AOAH: variants seen among roughly 807,000 people sequenced by gnomAD.
AOAH encodes the protein acyloxyacyl hydrolase (neutrophil).
Under a neutral mutation model 92.2 loss-of-function variants are expected in AOAH, and 64 were observed. The observed-to-expected ratio is 0.69, with a 90% CI of 0.57 to 0.86. The LOEUF is 0.86. AOAH is among the 40% of genes least tolerant of loss of function. AOAH has a pLI of 0.00. For missense variants in AOAH, 656 were observed against 694.6 expected, an observed-to-expected ratio of 0.94 and a Z score of 0.62; for synonymous variants, 263 against 254.5, an observed-to-expected ratio of 1.03 and a Z score of -0.32.
intron 13 of AOAH, 66 bp downstream of exon 13, chr7:36,576,508 G>T: frequency 1.1e-6 from 1 of 893,890 alleles, no homozygotes; most frequent in South Asian, 1.8e-5. Flanking sequence ...AGCTTTTGAG[G>T]TACTTATGAA....
intron 2 of AOAH, among the ~76,000 whole-genome samples, chr7:36,682,092 G>T (rs946326293): frequency 6.6e-6 from 1 of 152,216 alleles, no homozygotes; most frequent in African/African-American, 2.4e-5. Context: ...ACGGGGAGGG[G>T]TTTTGCCCAA....
At chr7:36,652,321 C>T (rs1056463948) in intron 4 of AOAH, among the ~76,000 whole-genome samples, 1 of 152,088 alleles carries the variant, frequency 6.6e-6, no homozygotes, top group Non-Finnish European at 1.5e-5. Context: ...AATTATAACT[C>T]AAAGTATAAA....
intron 1 of AOAH, among the ~76,000 whole-genome samples, chr7:36,700,831 T>A (rs1017418701): frequency 1.3e-5 from 2 of 152,008 alleles, no homozygotes; most frequent in African/African-American, 4.8e-5. Context: ...TTTTTCTACA[T>A]CCTTTCAACA....
At chr7:36,590,454 A>G (rs1357409351) in intron 12 of AOAH, among the ~76,000 whole-genome samples, 1 of 152,224 alleles carries the variant, frequency 6.6e-6, no homozygotes, top group East Asian at 1.9e-4. Context: ...AACTCAACTA[A>G]AAGAACTAAA....
intron 20 of AOAH, chr7:36,514,620 G>A: frequency 6.7e-7 from 1 of 1,483,038 alleles, no homozygotes; most frequent in Non-Finnish European, 9.1e-7. Context: ...TTAGCAAATG[G>A]GACCTGGCCA....
intron 6 of AOAH, among the ~76,000 whole-genome samples, chr7:36,627,621 C>T (rs80089962): frequency 0.02 from 2,982 of 152,108 alleles, 94 homozygotes; most frequent in African/African-American, 0.068. Flanking sequence ...GATGGCTCCT[C>T]GGGAGGGGCA....
At chr7:36,515,527 C>CACCACACACACCACA (rs1491549348) in intron 20 of AOAH, among the ~76,000 whole-genome samples, 3 of 10,660 alleles carry the variant, frequency 2.8e-4, no homozygotes, top group African/African-American at 4.8e-4. Flanking sequence ...ACCACACACA[C>CACCACACACACCACA]CACACCCTTC....
intron 11 of AOAH, among the ~76,000 whole-genome samples, chr7:36,602,781 A>G (rs927120457): frequency 6.6e-6 from 1 of 152,170 alleles, no homozygotes; most frequent in African/African-American, 2.4e-5. Flanking sequence ...TGATACCAGA[A>G]GAAGTCCAAG....
At chr7:36,546,384 T>C (rs1373957457) in intron 15 of AOAH, among the ~76,000 whole-genome samples, 3 of 152,222 alleles carry the variant, frequency 2.0e-5, no homozygotes. Flanking sequence ...GATGGGGAGA[T>C]ATAGTTGCCA....
At chr7:36,677,424 A>T (rs117116413) in intron 2 of AOAH, among the ~76,000 whole-genome samples, 51 of 152,344 alleles carry the variant, frequency 3.3e-4, no homozygotes, top group Admixed American at 1.3e-3. Flanking sequence ...CTATAATAAA[A>T]GAGAGAATAA....
At chr7:36,666,605 T>G (rs1795551477) in intron 3 of AOAH, among the ~76,000 whole-genome samples, 1 of 152,046 alleles carries the variant, frequency 6.6e-6, no homozygotes, top group Admixed American at 6.5e-5. Context: ...TATCTTGTGT[T>G]TACTTTGGAT....
rs1050085641 is a variant in AOAH at position 36,614,833 on chromosome 7, T to C, written c.846+1547A>G. Among the ~76,000 whole-genome samples, 5 of 152,170 alleles carry C rather than the reference T, an allele frequency of 3.3e-5. No homozygotes were observed. Among genetic ancestry groups the C allele is most frequent in the Non-Finnish European group, 7.3e-5 (5 of 68,028 alleles). ...AATTAGCATGTTCCAGCACAGAGGT[T>C]TGAAGACTTTTGGGGGTCACCTGAC... On this transcript the variant is annotated intron_variant, in intron 11 of 20. Transcript: ENST00000617537. This position sits in a 1 kb window ranked among gnomAD's most constrained non-coding sequence, Gnocchi z 4.2.
At chr7:36,517,935 ACACACACACC>A (rs1177985799) in intron 20 of AOAH, among the ~76,000 whole-genome samples, 8,815 of 70,446 alleles carry the variant, frequency 0.13, 356 homozygotes, top group African/African-American at 0.19. Context: ...ACACACCCAC[ACACACACACC>A]CACACACACA....
intron 5 of AOAH, among the ~76,000 whole-genome samples, chr7:36,635,579 G>C (rs1289353245): frequency 6.6e-6 from 1 of 151,976 alleles, no homozygotes; most frequent in South Asian, 2.1e-4. Flanking sequence ...TGAGCGGGTG[G>C]GTTTGTGATC....
At chr7:36,540,182 G>C in intron 16 of AOAH, 137 bp downstream of exon 16, 1 of 757,396 alleles carries the variant, frequency 1.3e-6, no homozygotes, top group Non-Finnish European at 2.0e-6. Context: ...GCACCTAGGG[G>C]CTCTTGCCTT....
intron 12 of AOAH, among the ~76,000 whole-genome samples, chr7:36,590,084 C>T (rs1789638868): frequency 6.6e-6 from 1 of 151,882 alleles, no homozygotes; most frequent in Non-Finnish European, 1.5e-5. Flanking sequence ...TCCTGAGTAG[C>T]TAAGGACTAC....
intron 15 of AOAH, among the ~76,000 whole-genome samples, chr7:36,542,457 G>A (rs1785483967): frequency 6.6e-6 from 1 of 152,144 alleles, no homozygotes; most frequent in South Asian, 2.1e-4. Context: ...ATCACTCAGA[G>A]GCTGGACCCA....
At chr7:36,696,730 C>T (rs1287361074) in intron 1 of AOAH, among the ~76,000 whole-genome samples, 2 of 151,966 alleles carry the variant, frequency 1.3e-5, no homozygotes, top group African/African-American at 4.8e-5. Context: ...CATGGTGGTG[C>T]ATGCCTGTAA....
intron 13 of AOAH, among the ~76,000 whole-genome samples, chr7:36,570,340 G>C (rs528784105): frequency 6.6e-4 from 101 of 152,310 alleles, no homozygotes; most frequent in Non-Finnish European, 9.0e-4. Flanking sequence ...CATGTTCAGA[G>C]TGCCCTTTGT....
Sources: gnomAD v4.1 joint callset for allele counts (sites outside exome capture counted in the v4.1 genomes callset) on GRCh38, gnomAD v4.1.1 for gene constraint, Gnocchi (gnomAD v3.1) non-coding constraint, MANE v1.5 for transcripts, NCBI Gene and HGNC (gene_info 2026-07-23, HGNC 2026-07-21) for gene names.